NAV2: variants seen among roughly 807,000 people sequenced by gnomAD.
NAV2 encodes the protein neuron navigator 2, also known as helicase, APC down-regulated 1.
A neutral mutation model predicts 223.2 loss-of-function variants in NAV2; 54 were observed. The observed-to-expected ratio is 0.24, with a 90% CI of 0.19 to 0.30. NAV2 has a LOEUF of 0.30. Ranked by LOEUF, NAV2 falls within the 10% of genes least tolerant of loss-of-function variation. The pLI is 1.00. For missense variants in NAV2, 2,806 were observed against 3,147.5 expected (o/e 0.89, Z 2.60); for synonymous variants, 1,279 against 1,239.3 (o/e 1.03, Z -0.67).
intron 1 of NAV2, among the ~76,000 whole-genome samples, chr11:19,408,366 T>C (rs950945693): frequency 2.6e-5 from 4 of 152,174 alleles, no homozygotes; most frequent in African/African-American, 9.7e-5. Flanking sequence ...GGAGCTAAAA[T>C]ATTCTGAACC....
intron 11 of NAV2, among the ~76,000 whole-genome samples, chr11:20,020,097 G>GGAAC (rs2054371591): frequency 1.3e-5 from 2 of 152,282 alleles, no homozygotes; most frequent in South Asian, 4.1e-4. Context: ...TGGAAGAAAA[G>GGAAC]GAACGAAGTG....
rs553069227 is a variant in NAV2 at position 19,764,492 on chromosome 11, A to C, written c.267+50530A>C. Among the ~76,000 whole-genome samples, 5 of 152,362 alleles carry C rather than the reference A, an allele frequency of 3.3e-5. No individual in the cohort carries two copies. The East Asian group carries it at 9.6e-4, about 29-fold the overall frequency. On this transcript the variant is annotated intron_variant, in intron 1 of 37. Coordinates refer to ENST00000349880, the MANE Select transcript of NAV2 (RefSeq NM_145117.5). ...CCAAGTAGACACAGATGTATTGTTC[A>C]TGCTAACAGATGTGGTGTTAAGAAA...
chr11:19,429,339 T>C (rs1850958123), intron 1 of NAV2, among the ~76,000 whole-genome samples: 1 of 152,232 alleles, frequency 6.6e-6, no homozygotes, highest in African/African-American at 2.4e-5. Flanking sequence ...CACTTTTCAG[T>C]TAACCAATCA....
chr11:19,365,194 C>A (rs1260125820), intron 1 of NAV2, among the ~76,000 whole-genome samples: 3 of 152,128 alleles, frequency 2.0e-5, no homozygotes, highest in Non-Finnish European at 2.9e-5. Context: ...AATCTGTCTA[C>A]CTTCACCTCA....
At chr11:19,565,135 C>A (rs1048638546) in intron 1 of NAV2, among the ~76,000 whole-genome samples, 2 of 152,004 alleles carry the variant, frequency 1.3e-5, no homozygotes, top group Non-Finnish European at 2.9e-5. Flanking sequence ...CCCTGCCTGC[C>A]CCCTCTCCAG....
intron 1 of NAV2, among the ~76,000 whole-genome samples, chr11:19,675,446 A>G (rs1473226947): frequency 6.6e-6 from 1 of 152,124 alleles, no homozygotes; most frequent in Non-Finnish European, 1.5e-5. Context: ...TAAAGAGTAG[A>G]CACCCACTGC....
rs766663802 is a variant in NAV2, at chr11:20,083,128, A to G, written c.5447A>G (p.Asn1816Ser). The change falls in exon 26 of 38, where the codon AAT becomes AGT. Residue 1816 changes from asparagine (N) to serine (S), a missense_variant. Transcript: ENST00000349880. ...CCTTCCTCACCAAAGTTACCGCACA[A>G]TGGGTCCACAGGTTCCACCCCACTG... is the stretch of plus-strand genomic sequence containing the variant. Reference protein sequence around the residue: ...SLPSSPKLPHNGSTGSTPLLR... With the variant: ...SLPSSPKLPHSGSTGSTPLLR... The G allele has an allele frequency of 1.1e-5, 18 of 1,613,896 alleles. No individual in the cohort carries two copies. The highest frequency in any genetic ancestry group is 5.3e-5 in the African/African-American group (4 of 74,902).
At chr11:19,934,821 GGGGC>G (rs2045700338) in intron 7 of NAV2, among the ~76,000 whole-genome samples, 1 of 3,676 alleles carries the variant, frequency 2.7e-4, no homozygotes, top group African/African-American at 3.0e-4. Flanking sequence ...TGGTAGGGGA[GGGGC>G]TGGTCTAGAA....
intron 1 of NAV2, chr11:19,503,558 G>C (rs2043025404): frequency 6.6e-6 from 1 of 152,178 alleles, no homozygotes; most frequent in African/African-American, 2.4e-5. Flanking sequence ...ACAATTTGTA[G>C]CTTTTTCAGA....
At chr11:19,466,877 C>T (rs1030923055) in intron 1 of NAV2, among the ~76,000 whole-genome samples, 1 of 152,128 alleles carries the variant, frequency 6.6e-6, no homozygotes, top group African/African-American at 2.4e-5. Flanking sequence ...ACGAGTCTTG[C>T]TACAAAAATG....
intron 22 of NAV2, among the ~76,000 whole-genome samples, chr11:20,071,624 GTTGT>G (rs2059409634): frequency 1.5e-5 from 2 of 131,816 alleles, no homozygotes; most frequent in Non-Finnish European, 1.6e-5. Flanking sequence ...TCCAGCATCT[GTTGT>G]TCCTTGACTT....
chr11:19,383,687 G>T (rs983531750), intron 1 of NAV2, among the ~76,000 whole-genome samples: 1 of 152,160 alleles, frequency 6.6e-6, no homozygotes, highest in Non-Finnish European at 1.5e-5. Flanking sequence ...GGCCTCCTAC[G>T]TGAAATCAAG....
At chr11:19,363,309 A>G (rs1306313564) in intron 1 of NAV2, among the ~76,000 whole-genome samples, 2 of 152,084 alleles carry the variant, frequency 1.3e-5, no homozygotes, top group Non-Finnish European at 1.5e-5. Context: ...AAGGACATGA[A>G]CTCATCCTTT....
At chr11:19,592,014 A>T (rs1441829033) in intron 1 of NAV2, among the ~76,000 whole-genome samples, 1 of 152,146 alleles carries the variant, frequency 6.6e-6, no homozygotes, top group Admixed American at 6.5e-5. Flanking sequence ...CCCCTATCAC[A>T]CTTATTGATC....
At chr11:19,624,478 C>T (rs2047103856) in intron 1 of NAV2, among the ~76,000 whole-genome samples, 1 of 152,198 alleles carries the variant, frequency 6.6e-6, no homozygotes, top group Admixed American at 6.5e-5. Context: ...CCCAGCCTCG[C>T]TACTGCCTTG....
chr11:20,080,377 T>C (rs892228666), intron 25 of NAV2, among the ~76,000 whole-genome samples, 168 bp downstream of exon 25: 4 of 152,194 alleles, frequency 2.6e-5, no homozygotes, highest in Non-Finnish European at 5.9e-5. Context: ...AAAATCAATA[T>C]TGTACTCAGC....
At chr11:19,961,897 A>T (rs1256461917) in intron 10 of NAV2, among the ~76,000 whole-genome samples, 3 of 151,998 alleles carry the variant, frequency 2.0e-5, no homozygotes, top group African/African-American at 7.2e-5. Flanking sequence ...TCCTGGCTGG[A>T]TCAGAGTTGG....
At chr11:19,872,170 AG>A (rs1399870663) in intron 4 of NAV2, among the ~76,000 whole-genome samples, 1 of 152,214 alleles carries the variant, frequency 6.6e-6, no homozygotes, top group Non-Finnish European at 1.5e-5. Flanking sequence ...TCATAATTTC[AG>A]GGTACAGGCA....
At chr11:20,050,063 T>C (rs1408989649) in intron 16 of NAV2, among the ~76,000 whole-genome samples, 162 bp downstream of exon 16, 1 of 152,192 alleles carries the variant, frequency 6.6e-6, no homozygotes, top group Non-Finnish European at 1.5e-5. Flanking sequence ...GAGAGTCTGT[T>C]CCTCTGTCTG....
Sources: allele counts gnomAD v4.1 joint callset (sites outside exome capture counted in the v4.1 genomes callset), GRCh38; gene constraint gnomAD v4.1.1; transcripts MANE v1.5; gene names NCBI Gene and HGNC (gene_info 2026-07-23, HGNC 2026-07-21).